The following USP48 variants were observed in gnomAD, a reference collection of about 807,000 sequenced individuals.
USP48 encodes the protein ubiquitin specific peptidase 48.
Under a neutral mutation model 150.7 loss-of-function variants are expected in USP48, and 43 were observed. The ratio of observed to expected loss-of-function variants is 0.29; its 90% CI spans 0.22 to 0.37. The LOEUF is 0.37. USP48 is among the 10% of genes least tolerant of loss of function. The probability of loss-of-function intolerance (pLI) is 1.00; values close to 1 mark genes in which losing one functional copy is unlikely to be tolerated. For synonymous variants in USP48, 396 were observed against 425.9 expected (o/e 0.93, Z 0.86); for missense variants, 813 against 1,249.6 (o/e 0.65, Z 5.27).
intron 1 of USP48, 27 bp from the exon 2 acceptor site, chr1:21,757,810 T>A (rs2097840663): frequency 6.4e-7 from 1 of 1,570,562 alleles, no homozygotes; most frequent in African/African-American, 1.4e-5. Context: ...AACCTTTAAT[T>A]TTTAAAAGAC....
intron 22 of USP48, among the ~76,000 whole-genome samples, chr1:21,697,466 A>G (rs1386980177): frequency 6.6e-6 from 1 of 152,136 alleles, no homozygotes; most frequent in East Asian, 1.9e-4. Context: ...GATTGAGACC[A>G]TCCTGGCTAA....
At chr1:21,710,658 C>CA in intron 15 of USP48, among the ~76,000 whole-genome samples, 1 of 152,218 alleles carries the variant, frequency 6.6e-6, no homozygotes, top group Non-Finnish European at 1.5e-5. Context: ...ACATTAAATA[C>CA]ATACAACACG....
At chr1:21,724,707 ATAT>A (rs1015466939) in intron 11 of USP48, 2 of 152,482 alleles carry the variant, frequency 1.3e-5, no homozygotes, top group Admixed American at 1.3e-4. Context: ...TCTCTTCATT[ATAT>A]TATTATTTAT....
At chr1:21,720,761 C>A (rs1337364169) in intron 14 of USP48, among the ~76,000 whole-genome samples, 3 of 151,978 alleles carry the variant, frequency 2.0e-5, no homozygotes, top group Non-Finnish European at 4.4e-5. Flanking sequence ...GAACACCTGA[C>A]CTCAAGTGAT....
At position 21,782,903 on chromosome 1, in the gene USP48, G is replaced by A. The variant is rs1396523624; in HGVS notation, c.55C>T (p.Arg19Trp). The A allele has an allele frequency of 6.4e-7, 1 of 1,552,706 alleles. No individual in the cohort carries two copies. Reference protein sequence around the residue: ...KAAWRWAETVRPEEVSQEHIE... With the variant: ...KAAWRWAETVWPEEVSQEHIE... Reference sequence around the variant, plus strand: ...TGCTCCTGCGACACCTCCTCGGGCCGCACCGTCTCCGCCCAGCGCCAGGCC... The same window carrying A: ...TGCTCCTGCGACACCTCCTCGGGCCACACCGTCTCCGCCCAGCGCCAGGCC... The change falls in exon 1 of 27, where the codon CGG becomes TGG. Residue 19 changes from arginine to tryptophan, a missense_variant. Arg to Trp is a moderately radical substitution (Grantham distance 101). Coordinates refer to ENST00000308271, the MANE Select transcript of USP48 (RefSeq NM_032236.8).
At chr1:21,757,411 C>A (rs1488521147) in intron 2 of USP48, 3 of 313,668 alleles carry the variant, frequency 9.6e-6, no homozygotes, top group African/African-American at 2.1e-5. Flanking sequence ...AATGTTAAAG[C>A]AAACATAGAA....
At chr1:21,729,854 G>A (rs773012315) in intron 9 of USP48, 22 bp from the exon 10 acceptor site, 1 of 1,613,588 alleles carries the variant, frequency 6.2e-7, no homozygotes, top group African/African-American at 1.3e-5. Context: ...AAATCAAAAG[G>A]TACCTTAACT....
At chr1:21,711,439 A>C (rs2097689896) in intron 15 of USP48, among the ~76,000 whole-genome samples, 1 of 152,076 alleles carries the variant, frequency 6.6e-6, no homozygotes, top group Admixed American at 6.6e-5. Flanking sequence ...GGACAACAAA[A>C]CCTAAGGCCC....
At chr1:21,721,596 G>A in intron 13 of USP48, 54 bp downstream of exon 13, 3 of 1,103,676 alleles carry the variant, frequency 2.7e-6, no homozygotes, top group Non-Finnish European at 3.8e-6. Context: ...GCTTGGTTAT[G>A]ACCTCTTGAA....
chr1:21,762,873 A>AG (rs1244418764), intron 1 of USP48, among the ~76,000 whole-genome samples: 2 of 151,878 alleles, frequency 1.3e-5, no homozygotes, highest in South Asian at 2.1e-4. Context: ...CTCAAAAAAA[A>AG]AAAAAAAAAA....
At chr1:21,753,964 C>G (rs1375004403) in intron 3 of USP48, among the ~76,000 whole-genome samples, 1 of 151,828 alleles carries the variant, frequency 6.6e-6, no homozygotes. Context: ...AGTTCCAGAC[C>G]AGCCTGGCCA....
chr1:21,730,745 C>T (rs1571889492), intron 9 of USP48, among the ~76,000 whole-genome samples: 1 of 151,456 alleles, frequency 6.6e-6, no homozygotes, highest in South Asian at 2.1e-4. Context: ...GGGACTTCAA[C>T]TCTACTGGAA....
chr1:21,765,934 A>T (rs2097861102), intron 1 of USP48, among the ~76,000 whole-genome samples: 2 of 127,890 alleles, frequency 1.6e-5, no homozygotes, highest in Non-Finnish European at 3.4e-5. Context: ...AAAAAAAAAA[A>T]AAAGGCAATT....
intron 10 of USP48, among the ~76,000 whole-genome samples, chr1:21,729,013 A>G (rs2097748263): frequency 6.6e-6 from 1 of 152,174 alleles, no homozygotes; most frequent in Non-Finnish European, 1.5e-5. Context: ...AGGCGGGCGC[A>G]GTGGCTCATA....
chr1:21,762,266 T>C (rs372869758), intron 1 of USP48, among the ~76,000 whole-genome samples: 20 of 149,144 alleles, frequency 1.3e-4, no homozygotes, highest in Middle Eastern at 3.4e-3. Context: ...GCGAGACTCG[T>C]CTCAAAAAAA....
intron 1 of USP48, among the ~76,000 whole-genome samples, chr1:21,761,395 G>A (rs1349015938): frequency 6.6e-6 from 1 of 151,990 alleles, no homozygotes; most frequent in East Asian, 1.9e-4. Context: ...TCAGCCTCTG[G>A]AGTAGCTGGG....
At chr1:21,698,153 GGAGGGT>G (rs2097642962) in intron 22 of USP48, among the ~76,000 whole-genome samples, 1 of 152,120 alleles carries the variant, frequency 6.6e-6, no homozygotes, top group Non-Finnish European at 1.5e-5. Context: ...TATGTGATGA[GGAGGGT>G]GACATTTTGA....
Position 21,746,846 on chromosome 1 carries a change from C to G in USP48, c.991+221G>C, listed in dbSNP as rs555243848. Among the ~76,000 whole-genome samples the G allele has an allele frequency of 3.7e-4, 56 of 152,284 alleles. 1 individual carries two copies. The highest frequency in any genetic ancestry group is 1.3e-3 in the African/African-American group (55 of 41,566). ...TTATTTTTATACCCTTAATTCTGTA[C>G]ATATCGATGAACCACCTCATCTTTG... On this transcript the variant is annotated intron_variant, in intron 8 of 26. Transcript: ENST00000308271.
At position 21,694,598 on chromosome 1, in the gene USP48, AAAAAAAAAACC is replaced by A. The variant is rs1557429219; in HGVS notation, c.2883+457_2883+467del. On this transcript the variant is annotated intron_variant, in intron 23 of 26. Transcript: ENST00000308271. ...AAAAAAAAAAAAAAAAAAAAAAAAA[AAAAAAAAAACC>A]CCCTCTATCTATCAAATAGATTTAT... 1.1e-3 allele frequency among the ~76,000 whole-genome samples: 133 copies of A among 120,406 alleles called. 2 individuals are homozygous for A. The highest frequency in any genetic ancestry group is 2.2e-3 in the Non-Finnish European group (117 of 52,874). 79.0% of individuals were successfully genotyped at this position (120,406 alleles called of 152,430 possible).
Sources: allele counts gnomAD v4.1 joint callset (sites outside exome capture counted in the v4.1 genomes callset), GRCh38; gene constraint gnomAD v4.1.1; transcripts MANE v1.5; gene names NCBI Gene and HGNC (gene_info 2026-07-23, HGNC 2026-07-21).